PCDHA1: variants seen among roughly 807,000 people sequenced by gnomAD.
PCDHA1 encodes protocadherin alpha-1.
In PCDHA1, 42 loss-of-function variants were observed where a neutral mutation model predicts 61.3. That is an observed-to-expected ratio of 0.69 (90% CI 0.54 to 0.89). The LOEUF (loss-of-function observed/expected upper bound fraction) is 0.89, where lower values mean the gene tolerates loss of function less well. PCDHA1 is among the 40% of genes least tolerant of loss of function. PCDHA1 has a pLI of 0.00. For missense variants in PCDHA1, 1,256 were observed against 1,235.3 expected, an observed-to-expected ratio of 1.02 and a Z score of -0.25; for synonymous variants, 610 against 553.8, an observed-to-expected ratio of 1.10 and a Z score of -1.43.
chr5:140,803,498 C>A (rs1390487927), intron 1 of PCDHA1: 2 of 1,614,076 alleles, frequency 1.2e-6, no homozygotes, highest in Admixed American at 3.3e-5. Context: ...TGCCCAAGAC[C>A]GACCTCATGG....
At chr5:140,928,529 T>C in intron 1 of PCDHA1, 7 of 1,614,226 alleles carry the variant, frequency 4.3e-6, no homozygotes, top group Non-Finnish European at 4.2e-6. Flanking sequence ...TTGTTTGTGG[T>C]AGATAGGAAT....
At chr5:140,882,424 G>C in intron 1 of PCDHA1, 1 of 1,614,114 alleles carries the variant, frequency 6.2e-7, no homozygotes, top group Non-Finnish European at 8.5e-7. Context: ...CTCAGGACCT[G>C]GGGCTGGAGC....
intron 1 of PCDHA1, chr5:140,829,335 G>A: frequency 6.2e-7 from 1 of 1,614,232 alleles, no homozygotes. Flanking sequence ...GCCCTGGACC[G>A]CGAGAGCGTG....
intron 1 of PCDHA1, chr5:140,801,897 G>C: frequency 2.5e-6 from 4 of 1,614,178 alleles, no homozygotes; most frequent in Non-Finnish European, 3.4e-6. Context: ...CACTGTTTTA[G>C]ATGTAAACGA....
intron 1 of PCDHA1, among the ~76,000 whole-genome samples, chr5:140,900,209 G>A (rs918328130): frequency 6.6e-6 from 1 of 152,146 alleles, no homozygotes; most frequent in Non-Finnish European, 1.5e-5. Context: ...GTTTCATCCA[G>A]GTTGTTGCAA....
chr5:140,891,225 T>C (rs1554184733), intron 1 of PCDHA1, among the ~76,000 whole-genome samples: 1 of 152,222 alleles, frequency 6.6e-6, no homozygotes, highest in Non-Finnish European at 1.5e-5. Context: ...TTTATAATCA[T>C]CCTGTTCTGG....
rs1779165164 is a variant in PCDHA1, at chr5:140,843,975, T to C, written c.2394+55291T>C. ...TTTTTACTGAATATTTATTTTGGCCTGCCTTACAGCCGTCTTCTCTGAACA... is the reference window on the plus strand; with the variant it reads ...TTTTTACTGAATATTTATTTTGGCCCGCCTTACAGCCGTCTTCTCTGAACA... On this transcript the variant is annotated intron_variant, in intron 1 of 3. Transcript: ENST00000504120. 1.3e-5 allele frequency among the ~76,000 whole-genome samples: 2 copies of C among 149,640 alleles called. 1 individual carries two copies. The highest frequency in any genetic ancestry group is 3.0e-5 in the Non-Finnish European group (2 of 66,898).
At chr5:140,808,717 G>A (rs1554124714) in intron 1 of PCDHA1, 2 of 1,612,114 alleles carry the variant, frequency 1.2e-6, no homozygotes, top group African/African-American at 1.3e-5. Context: ...ACGTTTCGGT[G>A]CATGCGGAGA....
Position 140,787,732 on chromosome 5 carries a change from A to T in PCDHA1, c.1442A>T (p.Asp481Val), listed in dbSNP as rs1554117967. Reference protein sequence around the residue: ...GCHIFTVSARDADAQENALVS... With the variant: ...GCHIFTVSARVADAQENALVS... ...CACATCTTCACGGTGTCTGCGCGGG[A>T]CGCGGACGCGCAGGAGAACGCGCTG... Residue 481 changes from aspartate (D) to valine (V), a missense_variant, in exon 1 of 4, where the codon GAC (aspartate) becomes GTC (valine). By Grantham distance (152) the Asp-to-Val change is radical (BLOSUM62 -3). Transcript: ENST00000504120. The T allele has an allele frequency of 6.2e-7, 1 of 1,613,568 alleles. No homozygotes were observed.
chr5:140,862,554 A>G, intron 1 of PCDHA1: 3 of 464,416 alleles, frequency 6.5e-6, no homozygotes, highest in Non-Finnish European at 1.3e-5. Context: ...GTGGCCGAAC[A>G]GTGAACCACA....
intron 1 of PCDHA1, among the ~76,000 whole-genome samples, chr5:140,846,820 A>G (rs1780694955): frequency 6.7e-6 from 1 of 149,706 alleles, no homozygotes; most frequent in Non-Finnish European, 1.5e-5. Flanking sequence ...TTTGAGGTCA[A>G]ATAAAGAATA....
intron 1 of PCDHA1, chr5:140,967,401 G>T (rs374310490): frequency 1.2e-6 from 2 of 1,611,944 alleles, no homozygotes; most frequent in Non-Finnish European, 1.7e-6. Flanking sequence ...CTGGTGCTGC[G>T]TAAGGGCCTA....
At chr5:140,869,062 T>A (rs370962991) in intron 1 of PCDHA1, 2 of 1,558,588 alleles carry the variant, frequency 1.3e-6, no homozygotes, top group African/African-American at 2.7e-5. Context: ...TCTGGTACTG[T>A]AAGTGTAAAG....
chr5:140,840,750 A>G (rs1261574631), intron 1 of PCDHA1, among the ~76,000 whole-genome samples: 1 of 152,112 alleles, frequency 6.6e-6, no homozygotes, highest in Non-Finnish European at 1.5e-5. Flanking sequence ...CAATAAGAAC[A>G]CAAGAAGATA....
At chr5:140,940,028 G>T (rs782276273) in intron 1 of PCDHA1, among the ~76,000 whole-genome samples, 1 of 152,048 alleles carries the variant, frequency 6.6e-6, no homozygotes, top group African/African-American at 2.4e-5. Context: ...ATGTTTTAAG[G>T]CTATTTTATT....
chr5:140,834,106 C>A, intron 1 of PCDHA1: 2 of 396,430 alleles, frequency 5.0e-6, no homozygotes, highest in Non-Finnish European at 4.5e-6. Context: ...GAAAAAAATT[C>A]AGAGTTTGAA....
At chr5:140,838,694 G>A (rs765335937) in intron 1 of PCDHA1, among the ~76,000 whole-genome samples, 2 of 151,960 alleles carry the variant, frequency 1.3e-5, no homozygotes, top group African/African-American at 4.8e-5. Context: ...CCAACATTTC[G>A]GGAGGCCGAG....
intron 1 of PCDHA1, among the ~76,000 whole-genome samples, chr5:140,794,150 G>A (rs1003607788): frequency 1.3e-5 from 2 of 152,204 alleles, no homozygotes; most frequent in Non-Finnish European, 2.9e-5. Flanking sequence ...TAAACAAAAC[G>A]TGGTGTATAC....
intron 1 of PCDHA1, chr5:140,926,750 G>C (rs2083528007): frequency 8.0e-7 from 1 of 1,256,516 alleles, no homozygotes; most frequent in Non-Finnish European, 1.0e-6. Flanking sequence ...AACGTCGGCG[G>C]TCGCTGAGTA....
Sources: allele counts gnomAD v4.1 joint callset (sites outside exome capture counted in the v4.1 genomes callset), GRCh38; gene constraint gnomAD v4.1.1; transcripts MANE v1.5; gene names NCBI Gene and HGNC (gene_info 2026-07-23, HGNC 2026-07-21).